The following PSKH2 variants were observed in gnomAD, a reference collection of about 807,000 sequenced individuals.
PSKH2 encodes the protein protein serine kinase H2.
Under a neutral mutation model 22.5 loss-of-function variants are expected in PSKH2, and 16 were observed. The ratio of observed to expected loss-of-function variants is 0.71; its 90% confidence interval spans 0.48 to 1.08. The LOEUF is 1.08. Ranked by LOEUF, PSKH2 falls within the 50% of genes least tolerant of loss-of-function variation. The pLI is 0.00. For synonymous variants in PSKH2, 188 were observed against 184.8 expected, an observed-to-expected ratio of 1.02 and a Z score of -0.14; for missense variants, 516 against 492.8, an observed-to-expected ratio of 1.05 and a Z score of -0.44.
chr8:86,049,351 G>C (rs1195765124), intron 2 of PSKH2, among the ~76,000 whole-genome samples: 1 of 152,040 alleles, frequency 6.6e-6, no homozygotes, highest in Non-Finnish European at 1.5e-5. Flanking sequence ...TTGAGTCCAG[G>C]AGTTTGAGAC....
intron 1 of PSKH2, among the ~76,000 whole-genome samples, chr8:86,066,695 T>A (rs1817865788): frequency 6.6e-6 from 1 of 152,292 alleles, no homozygotes; most frequent in African/African-American, 2.4e-5. Flanking sequence ...TTTTTTGCCT[T>A]CTTGTTTGTT....
In PSKH2 at chr8:86,048,525, G is replaced by C. The variant is rs150734240; in HGVS notation, c.1095C>G (p.Ser365=). ...AGTTTCTCTTGCTCCACATATGCCT[G>C]GATTTGTGAGAATAATGTGACTTAG... ...QSSKSHYSHK[S]RHMWSKRNLR... Residue 365 remains serine (S), a synonymous_variant, in exon 3 of 3, where the codon TCC becomes TCG. Coordinates refer to ENST00000276616, the MANE Select transcript of PSKH2 (RefSeq NM_033126.3). 1,099 of 1,614,124 alleles carry C rather than the reference G, an allele frequency of 6.8e-4. 7 individuals carry two copies. In the African/African-American group the frequency reaches 0.013, roughly 18 times the overall value.
chr8:86,065,354 C>G (rs16879655), intron 1 of PSKH2, among the ~76,000 whole-genome samples: 3 of 152,118 alleles, frequency 2.0e-5, no homozygotes, highest in African/African-American at 7.2e-5. Context: ...TTATAAGAGC[C>G]GGTTTCAGCA....
chr8:86,061,116 G>C (rs1399861090), intron 2 of PSKH2, among the ~76,000 whole-genome samples: 2 of 152,058 alleles, frequency 1.3e-5, no homozygotes, highest in African/African-American at 4.8e-5. Context: ...TTAGCCTCTG[G>C]ACAATGCTGA....
At chr8:86,066,815 A>C (rs1170503848) in intron 1 of PSKH2, among the ~76,000 whole-genome samples, 2 of 152,186 alleles carry the variant, frequency 1.3e-5, no homozygotes, top group Non-Finnish European at 2.9e-5. Flanking sequence ...TTACCTTATC[A>C]AAACAGATAG....
intron 2 of PSKH2, among the ~76,000 whole-genome samples, chr8:86,049,707 AAAG>A (rs1817588989): frequency 3.7e-5 from 2 of 54,562 alleles, no homozygotes; most frequent in African/African-American, 1.5e-4. Context: ...AGAAAGAAAG[AAAG>A]AAAGAAAGAA....
chr8:86,051,877 A>C (rs1435346450), intron 2 of PSKH2, among the ~76,000 whole-genome samples: 1 of 152,254 alleles, frequency 6.6e-6, no homozygotes, highest in Admixed American at 6.5e-5. Context: ...TTATTCAAAC[A>C]TGAGTTATAA....
intron 1 of PSKH2, among the ~76,000 whole-genome samples, chr8:86,065,289 G>T (rs1020552968): frequency 6.6e-6 from 1 of 152,130 alleles, no homozygotes; most frequent in African/African-American, 2.4e-5. Flanking sequence ...TCAGCCCCAG[G>T]CTCATCTTGT....
In PSKH2 at chr8:86,069,516, G is replaced by A. The variant is rs1817914015; in HGVS notation, c.107C>T (p.Pro36Leu). 1.2e-6 allele frequency: 2 copies of A among 1,608,754 alleles called. No individual in the cohort carries two copies. Among genetic ancestry groups the A allele is most frequent in the Non-Finnish European group, 1.7e-6 (2 of 1,178,370 alleles). The change falls in exon 1 of 3, where the codon CCC (proline) becomes CTC (leucine). Residue 36 changes from proline to leucine, a missense_variant. Physicochemically the swap from Pro to Leu is moderately conservative, Grantham distance 98 (BLOSUM62 -3). Transcript: ENST00000276616. Reference protein sequence around the residue: ...QAGVGGAGPGPEAAAQAAQRI... With the variant: ...QAGVGGAGPGLEAAAQAAQRI... ...CTGCGCCGCCTGGGCCGCCGCCTCGGGCCCAGGCCCCGCGCCTCCGACGCC... is the reference window on the plus strand; with the variant it reads ...CTGCGCCGCCTGGGCCGCCGCCTCGAGCCCAGGCCCCGCGCCTCCGACGCC...
chr8:86,050,315 C>T (rs189499132), intron 2 of PSKH2, among the ~76,000 whole-genome samples: 1 of 152,300 alleles, frequency 6.6e-6, no homozygotes, highest in East Asian at 1.9e-4. Flanking sequence ...TCCTCTTGTG[C>T]TAAATAATTA....
rs1207667167 is a variant in PSKH2 at position 86,048,391 on chromosome 8, G to A, written c.*71C>T. The A allele has an allele frequency of 8.9e-7, 1 of 1,127,546 alleles. No individual in the cohort carries two copies. The highest frequency in any genetic ancestry group is 1.3e-6 in the Non-Finnish European group (1 of 773,328). The allele number at this position is 1,127,546 out of a possible 1,614,324, so 69.8% of individuals were successfully genotyped here. On this transcript the variant is annotated 3_prime_UTR_variant, in exon 3 of 3. Transcript: ENST00000276616. ...AATACCATGGAGTCCCGTGTCTTTGGAGCTTGAGGGTGCCCTAATCATGAT... is the reference window on the plus strand; with the variant it reads ...AATACCATGGAGTCCCGTGTCTTTGAAGCTTGAGGGTGCCCTAATCATGAT...
At chr8:86,052,725 CA>C (rs200892636) in intron 2 of PSKH2, among the ~76,000 whole-genome samples, 31 of 151,606 alleles carry the variant, frequency 2.0e-4, no homozygotes, top group African/African-American at 6.0e-4. Flanking sequence ...TGTGCACCCT[CA>C]AAAAAAAGTT....
chr8:86,048,570 A>G lies in PSKH2; in HGVS notation c.1050T>C (p.Ser350=). The change falls in exon 3 of 3, where the codon AGT becomes AGC. Residue 350 remains serine, a synonymous_variant. Transcript: ENST00000276616. ...ACTTAGAAGACTGTGCAGATCCAGG[A>G]CTCTGAGAGTGGGGAGAGGCCCTCT... is the stretch of plus-strand genomic sequence containing the variant. ...LMQRASPHSQ[S]PGSAQSSKSH... The G allele has an allele frequency of 6.2e-7, 1 of 1,614,040 alleles. No individual in the cohort carries two copies. Among genetic ancestry groups the G allele is most frequent in the Non-Finnish European group, 8.5e-7 (1 of 1,179,970 alleles).
intron 2 of PSKH2, 72 bp from the exon 3 acceptor site, chr8:86,048,839 T>A: frequency 2.3e-6 from 3 of 1,299,634 alleles, no homozygotes; most frequent in Non-Finnish European, 3.1e-6. Flanking sequence ...AAGAATCCTA[T>A]TCTTAATTAC....
At chr8:86,059,002 C>A (rs924274771) in intron 2 of PSKH2, among the ~76,000 whole-genome samples, 5 of 152,188 alleles carry the variant, frequency 3.3e-5, no homozygotes, top group African/African-American at 1.2e-4. Flanking sequence ...TGCAGTGCTG[C>A]AATCTTAGCT....
At chr8:86,049,846 A>G (rs200821098) in intron 2 of PSKH2, among the ~76,000 whole-genome samples, 1 of 149,166 alleles carries the variant, frequency 6.7e-6, no homozygotes, top group African/African-American at 2.5e-5. Context: ...GAGAGAGAGA[A>G]AGAGGAAGAA....
intron 2 of PSKH2, among the ~76,000 whole-genome samples, chr8:86,056,374 T>TA (rs1563540782): frequency 6.6e-6 from 1 of 152,162 alleles, no homozygotes; most frequent in East Asian, 1.9e-4. Context: ...CTCCTTTTTT[T>TA]AAAATCAATG....
At chr8:86,057,712 T>G (rs575655412) in intron 2 of PSKH2, among the ~76,000 whole-genome samples, 1 of 152,284 alleles carries the variant, frequency 6.6e-6, no homozygotes, top group East Asian at 1.9e-4. Context: ...ATTTTACTAG[T>G]CAATGTATTC....
intron 2 of PSKH2, among the ~76,000 whole-genome samples, chr8:86,051,050 A>G (rs1817623545): frequency 6.6e-6 from 1 of 150,816 alleles, no homozygotes; most frequent in Non-Finnish European, 1.5e-5. Context: ...ACCCATGCCA[A>G]CTTAACTCAG....
Sources: allele counts gnomAD v4.1 joint callset (sites outside exome capture counted in the v4.1 genomes callset), GRCh38; gene constraint gnomAD v4.1.1; transcripts MANE v1.5; gene names NCBI Gene and HGNC (gene_info 2026-07-23, HGNC 2026-07-21).